The following DSCAM variants were observed in gnomAD, a reference collection of about 807,000 sequenced individuals.
The protein encoded by DSCAM is DS cell adhesion molecule, also known as cell adhesion molecule DSCAM.
Under a neutral mutation model 217.7 loss-of-function variants are expected in DSCAM, and 47 were observed. The observed-to-expected ratio is 0.22, with a 90% CI of 0.17 to 0.28. DSCAM has a LOEUF of 0.28. Ranked by LOEUF, DSCAM falls within the 10% of genes least tolerant of loss-of-function variation. The pLI is 1.00. For missense variants in DSCAM, 2,080 were observed against 2,618.3 expected, an observed-to-expected ratio of 0.79 and a Z score of 4.49; for synonymous variants, 1,056 against 1,015.3, an observed-to-expected ratio of 1.04 and a Z score of -0.76.
chr21:40,517,662 G>C lies in DSCAM; in HGVS notation c.509-148417C>G, dbSNP rs145456124. ...TCAACAAAACCATGAAAACAGGACA[G>C]TGCATGTCATAAGAACACATAAATA... On this transcript the variant is annotated intron_variant, in intron 3 of 32. Transcript: ENST00000400454. Among the ~76,000 whole-genome samples, 559 of 152,228 alleles carry C rather than the reference G, an allele frequency of 3.7e-3. 3 individuals are homozygous for C. The highest frequency in any genetic ancestry group is 0.013 in the African/African-American group (530 of 41,524).
At chr21:40,458,556 G>T (rs2075781574) in intron 3 of DSCAM, among the ~76,000 whole-genome samples, 1 of 151,960 alleles carries the variant, frequency 6.6e-6, no homozygotes, top group African/African-American at 2.4e-5. Context: ...AAAGCAAAAG[G>T]AACAAGTTAA....
At chr21:40,557,110 A>G (rs562024454) in intron 3 of DSCAM, among the ~76,000 whole-genome samples, 2 of 152,180 alleles carry the variant, frequency 1.3e-5, no homozygotes, top group African/African-American at 4.8e-5. Flanking sequence ...GGTCAACTGT[A>G]TATCAATATT....
chr21:40,339,480 T>C (rs1262418054), intron 6 of DSCAM, 65 bp from the exon 7 acceptor site: 4 of 1,414,280 alleles, frequency 2.8e-6, no homozygotes, highest in Admixed American at 2.2e-5. Flanking sequence ...TCCAAGTATA[T>C]GTCTTTCATG....
intron 19 of DSCAM, among the ~76,000 whole-genome samples, chr21:40,130,557 G>A (rs1297280212): frequency 6.6e-6 from 1 of 152,016 alleles, no homozygotes; most frequent in Non-Finnish European, 1.5e-5. Flanking sequence ...ATTTACGGAT[G>A]AGAGATGATA....
At chr21:40,654,252 C>G (rs779274442) in intron 3 of DSCAM, among the ~76,000 whole-genome samples, 1 of 152,068 alleles carries the variant, frequency 6.6e-6, no homozygotes, top group Non-Finnish European at 1.5e-5. Context: ...GGGAAATGGA[C>G]CCAAATATGC....
chr21:40,652,577 C>A (rs904943585), intron 3 of DSCAM, among the ~76,000 whole-genome samples: 1 of 152,156 alleles, frequency 6.6e-6, no homozygotes, highest in East Asian at 1.9e-4. Context: ...TGGGAGGAGA[C>A]ACAGTGGAAA....
chr21:40,046,341 C>A (rs2088840256), intron 30 of DSCAM, among the ~76,000 whole-genome samples: 1 of 152,198 alleles, frequency 6.6e-6, no homozygotes, highest in Non-Finnish European at 1.5e-5. Context: ...AATACTCAAT[C>A]TTGGTAAATA....
At chr21:40,201,838 A>T (rs1180623066) in intron 11 of DSCAM, among the ~76,000 whole-genome samples, 1 of 152,226 alleles carries the variant, frequency 6.6e-6, no homozygotes, top group Non-Finnish European at 1.5e-5. Context: ...ACAAGGAAGA[A>T]AATAGATCAT....
intron 11 of DSCAM, among the ~76,000 whole-genome samples, chr21:40,219,732 ATTTAT>A (rs2091274417): frequency 6.6e-6 from 1 of 152,156 alleles, no homozygotes; most frequent in African/African-American, 2.4e-5. Flanking sequence ...CCATATTATC[ATTTAT>A]TTTGTTTCTC....
chr21:40,626,582 C>T (rs1401672254), intron 3 of DSCAM, among the ~76,000 whole-genome samples: 2 of 152,182 alleles, frequency 1.3e-5, no homozygotes, highest in African/African-American at 4.8e-5. Context: ...CTCTAGTCAA[C>T]CTCATCTTCT....
At chr21:40,817,096 T>TC (rs915949048) in intron 1 of DSCAM, among the ~76,000 whole-genome samples, 1 of 151,992 alleles carries the variant, frequency 6.6e-6, no homozygotes, top group African/African-American at 2.4e-5. Context: ...CTTTTTTTTT[T>TC]TTGGTGCCAA....
chr21:40,393,145 A>C (rs541132413), intron 3 of DSCAM, among the ~76,000 whole-genome samples: 25 of 152,294 alleles, frequency 1.6e-4, no homozygotes, highest in Admixed American at 2.6e-4. Flanking sequence ...ATGCCCTCAA[A>C]TCTAAAGAGT....
At chr21:40,823,584 A>G (rs1382663659) in intron 1 of DSCAM, among the ~76,000 whole-genome samples, 1 of 152,196 alleles carries the variant, frequency 6.6e-6, no homozygotes, top group African/African-American at 2.4e-5. Flanking sequence ...TGGTTACTAA[A>G]AACCCAAATA....
intron 1 of DSCAM, among the ~76,000 whole-genome samples, chr21:40,779,855 G>T (rs1421979411): frequency 6.6e-6 from 1 of 152,322 alleles, no homozygotes; most frequent in South Asian, 2.1e-4. Context: ...AGGGCTGGGT[G>T]GGGTAAGGAA....
chr21:40,400,874 G>C (rs973066953), intron 3 of DSCAM, among the ~76,000 whole-genome samples: 1 of 152,170 alleles, frequency 6.6e-6, no homozygotes, highest in Non-Finnish European at 1.5e-5. Context: ...GAGTTATGCA[G>C]ATCTTTCAAA....
rs568633688 is a variant in DSCAM at position 40,375,852 on chromosome 21, G to A, written c.509-6607C>T. On this transcript the variant is annotated intron_variant, in intron 3 of 32. Transcript: ENST00000400454. ...GCTAAAGTACCTTTTTTTAGATTTC[G>A]GCACATTTCCTCATGTAGACTGCAT... 4.6e-4 allele frequency among the ~76,000 whole-genome samples: 70 copies of A among 152,048 alleles called. No individual in the cohort carries two copies. The South Asian group carries it at 9.8e-3, about 21-fold the overall frequency.
intron 4 of DSCAM, among the ~76,000 whole-genome samples, chr21:40,365,037 T>G (rs912654942): frequency 6.6e-6 from 1 of 150,832 alleles, no homozygotes; most frequent in African/African-American, 2.4e-5. Context: ...TATATGCTAC[T>G]ATAAATAAAA....
At chr21:40,085,210 A>T (rs190664627) in intron 23 of DSCAM, among the ~76,000 whole-genome samples, 81 of 152,352 alleles carry the variant, frequency 5.3e-4, no homozygotes, top group Middle Eastern at 3.4e-3. Flanking sequence ...AAATTGAGTT[A>T]ATTAGCATAC....
intron 6 of DSCAM, among the ~76,000 whole-genome samples, chr21:40,341,930 T>C (rs1256826304): frequency 1.3e-5 from 2 of 152,192 alleles, no homozygotes; most frequent in Non-Finnish European, 2.9e-5. Flanking sequence ...CTCTTTTGTG[T>C]TTCTTGACTT....
Sources: allele counts gnomAD v4.1 joint callset (sites outside exome capture counted in the v4.1 genomes callset), GRCh38; gene constraint gnomAD v4.1.1; transcripts MANE v1.5; gene names NCBI Gene and HGNC (gene_info 2026-07-23, HGNC 2026-07-21).